Variants in HCN1 observed in about 807,000 individuals in gnomAD.
The protein encoded by HCN1 is potassium/sodium hyperpolarization-activated cyclic nucleotide-gated channel 1.
Under a neutral mutation model 78.9 loss-of-function variants are expected in HCN1, and 13 were observed. That is an observed-to-expected ratio of 0.16 (90% CI 0.11 to 0.26). The LOEUF is 0.26. Among genes scored for constraint, HCN1 ranks in the 10% least tolerant of loss-of-function variants. The probability of loss-of-function intolerance (pLI) is 1.00; values close to 1 mark genes in which losing one functional copy is unlikely to be tolerated. For synonymous variants in HCN1, 552 were observed against 455.5 expected, an observed-to-expected ratio of 1.21 and a Z score of -2.70; for missense variants, 810 against 1,154.3, an observed-to-expected ratio of 0.70 and a Z score of 4.32.
At chr5:45,495,516 T>G (rs1384115184) in intron 2 of HCN1, among the ~76,000 whole-genome samples, 3 of 151,504 alleles carry the variant, frequency 2.0e-5, no homozygotes, top group Non-Finnish European at 4.4e-5. Flanking sequence ...ACAATGGGGT[T>G]TTCTAGATAT....
In HCN1 at chr5:45,455,037, A is replaced by G. The variant is rs16902134; in HGVS notation, c.1011+6809T>C. Among the ~76,000 whole-genome samples, 410 of 152,158 alleles carry G rather than the reference A, an allele frequency of 2.7e-3. 2 individuals are homozygous for G. Among genetic ancestry groups the G allele is most frequent in the African/African-American group, 9.1e-3 (379 of 41,532 alleles). ...AGCCAGCTAATACTACTTGAAATGAATGTCTCTCTATTTTGTGTCTCCCTG... is the reference window on the plus strand; with the variant it reads ...AGCCAGCTAATACTACTTGAAATGAGTGTCTCTCTATTTTGTGTCTCCCTG... On this transcript the variant is annotated intron_variant, in intron 3 of 7. Transcript: ENST00000303230.
intron 3 of HCN1, among the ~76,000 whole-genome samples, chr5:45,455,584 C>T (rs1417592006): frequency 2.0e-5 from 3 of 151,834 alleles, no homozygotes; most frequent in East Asian, 1.9e-4. Flanking sequence ...TAAGAAGCTA[C>T]GTACAAGAAA....
Position 45,461,860 on chromosome 5 carries a change from A to G in HCN1, c.997T>C (p.Leu333=), listed in dbSNP as rs1561164056. ...QDFPPDCWVS[L]NEMVNDSWGK... is the part of the protein sequence containing the mutation. ...AATTTACTTACAACCATTTCATTTA[A>G]AGACACCCAGCAATCTGGTGGGAAG... is the stretch of plus-strand genomic sequence containing the variant. The change falls in exon 3 of 8, where the codon TTA becomes CTA. Residue 333 remains leucine, a synonymous_variant. Transcript: ENST00000303230. The G allele has an allele frequency of 6.2e-7, 1 of 1,613,382 alleles. No homozygotes were observed. Among genetic ancestry groups the G allele is most frequent in the Non-Finnish European group, 8.5e-7 (1 of 1,179,544 alleles).
At chr5:45,478,966 C>T (rs981275035) in intron 2 of HCN1, among the ~76,000 whole-genome samples, 1 of 151,800 alleles carries the variant, frequency 6.6e-6, no homozygotes, top group East Asian at 1.9e-4. Flanking sequence ...CCTAAAAATA[C>T]AAAAATTAGC....
intron 6 of HCN1, among the ~76,000 whole-genome samples, chr5:45,299,800 ATTCT>A (rs1191298059): frequency 1.3e-5 from 2 of 152,154 alleles, no homozygotes; most frequent in South Asian, 2.1e-4. Flanking sequence ...AAGTTTTATT[ATTCT>A]TTCTAAGAAG....
chr5:45,545,422 C>A (rs1743194988), intron 2 of HCN1, among the ~76,000 whole-genome samples: 1 of 152,128 alleles, frequency 6.6e-6, no homozygotes. Flanking sequence ...ATGTTAGTTT[C>A]TTTTGCTGTG....
chr5:45,631,760 C>A (rs1318030402), intron 2 of HCN1, among the ~76,000 whole-genome samples: 1 of 152,038 alleles, frequency 6.6e-6, no homozygotes, highest in Non-Finnish European at 1.5e-5. Context: ...TATGAGGAAA[C>A]TATTTTGATT....
At chr5:45,661,024 C>T (rs1340918226) in intron 1 of HCN1, among the ~76,000 whole-genome samples, 1 of 107,824 alleles carries the variant, frequency 9.3e-6, no homozygotes, top group Non-Finnish European at 1.9e-5. Flanking sequence ...CCACACCACA[C>T]CTATTCCAAA....
At chr5:45,327,612 G>C (rs1312640671) in intron 5 of HCN1, among the ~76,000 whole-genome samples, 1 of 151,594 alleles carries the variant, frequency 6.6e-6, no homozygotes, top group East Asian at 1.9e-4. Context: ...TATGGGTTGA[G>C]TTGTGTCTCC....
chr5:45,683,021 T>C (rs1460917517), intron 1 of HCN1, among the ~76,000 whole-genome samples: 2 of 152,098 alleles, frequency 1.3e-5, no homozygotes, highest in African/African-American at 4.8e-5. Flanking sequence ...TTACAGTCTT[T>C]AGTGTCATAT....
intron 1 of HCN1, among the ~76,000 whole-genome samples, chr5:45,660,424 T>C (rs979259366): frequency 7.7e-6 from 1 of 129,036 alleles, no homozygotes; most frequent in South Asian, 2.9e-4. Context: ...GCTAACATCA[T>C]AATGACAGGA....
chr5:45,588,566 C>G (rs962751527), intron 2 of HCN1, among the ~76,000 whole-genome samples: 4 of 152,186 alleles, frequency 2.6e-5, no homozygotes, highest in Admixed American at 1.3e-4. Context: ...CGACACCCTA[C>G]TCACCTCCTG....
chr5:45,488,060 AC>A (rs1376131270), intron 2 of HCN1, among the ~76,000 whole-genome samples: 2 of 152,080 alleles, frequency 1.3e-5, no homozygotes, highest in Non-Finnish European at 2.9e-5. Context: ...TACATATGCA[AC>A]CTAATACTAA....
At chr5:45,535,373 G>A (rs1001419093) in intron 2 of HCN1, among the ~76,000 whole-genome samples, 5 of 152,262 alleles carry the variant, frequency 3.3e-5, no homozygotes, top group South Asian at 2.1e-4. Context: ...CAAGGTGGGC[G>A]GATCACTTGA....
intron 5 of HCN1, among the ~76,000 whole-genome samples, chr5:45,314,126 A>G (rs1579802564): frequency 6.6e-6 from 1 of 152,198 alleles, no homozygotes; most frequent in African/African-American, 2.4e-5. Context: ...AGGTCGGGTT[A>G]CCCACAAAGA....
chr5:45,369,976 A>G (rs1018031605), intron 4 of HCN1, among the ~76,000 whole-genome samples: 2 of 152,046 alleles, frequency 1.3e-5, no homozygotes, highest in Non-Finnish European at 2.9e-5. Flanking sequence ...ATACTGTGCT[A>G]TAAGACCTGA....
intron 6 of HCN1, among the ~76,000 whole-genome samples, chr5:45,290,534 AAAAT>A (rs1316793335): frequency 6.6e-6 from 1 of 152,124 alleles, no homozygotes; most frequent in African/African-American, 2.4e-5. Flanking sequence ...TAGGGAAAAC[AAAAT>A]AAATAAGACA....
intron 2 of HCN1, among the ~76,000 whole-genome samples, chr5:45,530,412 T>TTA (rs59818959): frequency 0.014 from 2,152 of 148,704 alleles, 32 homozygotes; most frequent in African/African-American, 0.039. Context: ...GATTGTGTTT[T>TTA]TATATATATA....
chr5:45,693,178 T>C (rs1295070161), intron 1 of HCN1, among the ~76,000 whole-genome samples: 1 of 152,194 alleles, frequency 6.6e-6, no homozygotes, highest in Non-Finnish European at 1.5e-5. Flanking sequence ...AATTTTGTCT[T>C]TCCTATTTTT....
Sources: gnomAD v4.1 joint callset for allele counts (sites outside exome capture counted in the v4.1 genomes callset) on GRCh38, gnomAD v4.1.1 for gene constraint, MANE v1.5 for transcripts, NCBI Gene and HGNC (gene_info 2026-07-23, HGNC 2026-07-21) for gene names.